The following BCLAF3 variants were observed in gnomAD, a reference collection of about 807,000 sequenced individuals.
BCLAF3 encodes the protein BCLAF1 and THRAP3 family member 3, also known as transient octamer binding factor 1.
Under a neutral mutation model 51.2 loss-of-function variants are expected in BCLAF3, and 24 were observed. That is an observed-to-expected ratio of 0.47 (90% confidence interval 0.34 to 0.66). BCLAF3 has a LOEUF of 0.66. BCLAF3 is among the 30% of genes least tolerant of loss of function. The pLI, the probability that BCLAF3 is intolerant of heterozygous loss-of-function variation, is 0.01. For missense variants in BCLAF3, 465 were observed against 525.1 expected, an observed-to-expected ratio of 0.89 and a Z score of 1.12; for synonymous variants, 152 against 176.6, an observed-to-expected ratio of 0.86 and a Z score of 1.10.
chrX:19,968,981 C>T (rs1268006868), intron 2 of BCLAF3, among the ~76,000 whole-genome samples: 3 of 111,480 alleles, frequency 2.7e-5, no homozygotes, highest in South Asian at 3.8e-4. Flanking sequence ...GGCGTGGTGG[C>T]GGGCACCTGT....
chrX:19,929,792 T>C lies in BCLAF3; in HGVS notation c.2099A>G (p.Lys700Arg), dbSNP rs765439223. The change falls in exon 11 of 12, where the codon AAA becomes AGA. Residue 700 changes from lysine (K) to arginine (R), a missense_variant. Transcript: ENST00000379682. The part of the protein sequence containing the change: ...THKFRERLMR[K>R]KKEYTDVATG... ...CATTTTAATTCAACTAACCTTCTTTTTTCTCATTAATCTTTCTCTGAACTT... is the reference window on the plus strand; with the variant it reads ...CATTTTAATTCAACTAACCTTCTTTCTTCTCATTAATCTTTCTCTGAACTT... The C allele has an allele frequency of 2.5e-6, 3 of 1,196,503 alleles. No homozygotes were observed. The highest frequency in any genetic ancestry group is 3.4e-6 in the Non-Finnish European group (3 of 890,221).
At chrX:19,985,424 A>T (rs2072765945) in intron 1 of BCLAF3, among the ~76,000 whole-genome samples, 1 of 109,449 alleles carries the variant, frequency 9.1e-6, no homozygotes, top group Non-Finnish European at 1.9e-5. Flanking sequence ...ACAAAAAAAT[A>T]ATTAAAAAAA....
At chrX:19,956,784 T>C (rs1459447256) in intron 4 of BCLAF3, among the ~76,000 whole-genome samples, 3 of 111,287 alleles carry the variant, frequency 2.7e-5, no homozygotes, top group African/African-American at 6.5e-5. Flanking sequence ...CATTACAGGC[T>C]CAGAAGATAA....
intron 4 of BCLAF3, among the ~76,000 whole-genome samples, chrX:19,962,471 T>C (rs1229499018): frequency 8.9e-6 from 1 of 112,404 alleles, no homozygotes; most frequent in Non-Finnish European, 1.9e-5. Context: ...GCATGAGCCA[T>C]TGCACCTGGC....
At chrX:19,958,199 C>G (rs896297721) in intron 4 of BCLAF3, among the ~76,000 whole-genome samples, 13 of 112,167 alleles carry the variant, frequency 1.2e-4, no homozygotes, top group Admixed American at 3.8e-4. Context: ...GATATTTCCA[C>G]TGATGTTCTC....
intron 8 of BCLAF3, among the ~76,000 whole-genome samples, chrX:19,938,593 C>T (rs775546846): frequency 8.9e-6 from 1 of 112,362 alleles, no homozygotes; most frequent in African/African-American, 3.2e-5. Context: ...CACGGGGTTT[C>T]ACCATGTTGG....
At chrX:19,955,693 T>C in intron 4 of BCLAF3, 127 bp from the exon 5 acceptor site, 1 of 492,166 alleles carries the variant, frequency 2.0e-6, no homozygotes, top group South Asian at 4.7e-5. Context: ...GGCACTAAAT[T>C]CCATGCCATA....
At chrX:19,958,509 C>T (rs978799218) in intron 4 of BCLAF3, among the ~76,000 whole-genome samples, 2 of 112,279 alleles carry the variant, frequency 1.8e-5, no homozygotes, top group Admixed American at 9.4e-5. Context: ...AGCATAACGG[C>T]GTTTCCATTA....
intron 1 of BCLAF3, among the ~76,000 whole-genome samples, chrX:19,977,904 T>C (rs1201762696): frequency 9.0e-6 from 1 of 111,273 alleles, no homozygotes; most frequent in African/African-American, 3.3e-5. Flanking sequence ...AGAATTATAC[T>C]AAATCTACTC....
At position 19,952,671 on chromosome X, in the gene BCLAF3, C is replaced by T. The variant is rs778909913; in HGVS notation, c.1629+317G>A. 4.5e-5 allele frequency among the ~76,000 whole-genome samples: 5 copies of T among 111,426 alleles called. No homozygotes were observed. In the South Asian group the frequency reaches 1.9e-3, roughly 42 times the overall value. ...TGATTGCTTTGAAAAAAATAGGTAC[C>T]TAACATACTTTCCATAAGCTTTACA... is the stretch of plus-strand genomic sequence containing the variant. On this transcript the variant is annotated intron_variant, in intron 7 of 11. Coordinates refer to ENST00000379682, the MANE Select transcript of BCLAF3 (RefSeq NM_001367774.2).
At chrX:19,976,902 A>G (rs893688078) in intron 1 of BCLAF3, among the ~76,000 whole-genome samples, 8 of 110,398 alleles carry the variant, frequency 7.2e-5, no homozygotes, top group African/African-American at 2.0e-4. Context: ...CATTTTTCCA[A>G]CCTCATGTGT....
chrX:19,955,546 G>C lies in BCLAF3; in HGVS notation c.1295C>G (p.Thr432Arg). The stretch of plus-strand genomic sequence containing the variant: ...CAAATCATGTGACATCTGTCTCTCT[G>C]TGGAATAGCTAGAAGCAACCCTAGA... Reference protein sequence around the residue: ...DTFRVASSYSTERQMSHDLVA... With the variant: ...DTFRVASSYSRERQMSHDLVA... The change falls in exon 5 of 12, where the codon ACA (threonine) becomes AGA (arginine). Residue 432 changes from threonine to arginine, a missense_variant. By Grantham distance (71) the Thr-to-Arg change is moderately conservative (BLOSUM62 -1). Transcript: ENST00000379682. The C allele has an allele frequency of 8.4e-7, 1 of 1,194,151 alleles. No homozygotes were observed. Among genetic ancestry groups the C allele is most frequent in the Non-Finnish European group, 1.1e-6 (1 of 888,986 alleles).
intron 1 of BCLAF3, among the ~76,000 whole-genome samples, chrX:19,981,373 A>T (rs2072606039): frequency 8.9e-6 from 1 of 112,442 alleles, no homozygotes; most frequent in South Asian, 3.6e-4. Flanking sequence ...AAAAAAATCA[A>T]AACAAAACAA....
At position 19,915,305 on chromosome X, in the gene BCLAF3, C is replaced by A. The variant is rs1015935917; in HGVS notation, c.*2000G>T. On this transcript the variant is annotated 3_prime_UTR_variant, in exon 12 of 12. Transcript: ENST00000379682. ...TAATATTTAATGAACTCTTACCACA[C>A]GTCAAATAGGAAGCTGGGTGCTGGG... The A allele has an allele frequency of 3.6e-5, 4 of 111,506 alleles. No individual in the cohort carries two copies. The highest frequency in any genetic ancestry group is 1.3e-4 in the African/African-American group (4 of 30,661). The allele number at this position is 111,506 out of a possible 1,213,427, so 9.2% of individuals were successfully genotyped here.
At chrX:19,978,762 T>TA (rs1041066687) in intron 1 of BCLAF3, among the ~76,000 whole-genome samples, 3 of 110,517 alleles carry the variant, frequency 2.7e-5, no homozygotes, top group African/African-American at 9.9e-5. Context: ...CTTATTTATT[T>TA]TTTTTTTGTC....
intron 7 of BCLAF3, among the ~76,000 whole-genome samples, chrX:19,952,010 G>A (rs989521432): frequency 8.9e-6 from 1 of 111,920 alleles, no homozygotes; most frequent in African/African-American, 3.2e-5. Context: ...TATGGATCAC[G>A]TGAAAAGAAA....
rs1453213670 is a variant in BCLAF3 at position 19,965,360 on chromosome X, T to G, written c.958A>C (p.Arg320=). Residue 320 remains arginine (R), a synonymous_variant, in exon 4 of 12, where the codon AGA becomes CGA. Transcript: ENST00000379682. ...CCAGTATTAAAACAATCTAACTCTC[T>G]ATTTAGAGGGCCTTTTTGAAAACTA... is the stretch of plus-strand genomic sequence containing the variant. ...KYSFQKGPLN[R]ELDCFNTGRG... is the part of the protein sequence containing the mutation. 2 of 1,210,929 alleles carry G rather than the reference T, an allele frequency of 1.7e-6. No homozygotes were observed. Among genetic ancestry groups the G allele is most frequent in the Admixed American group, 4.3e-5 (2 of 46,049 alleles).
intron 1 of BCLAF3, among the ~76,000 whole-genome samples, chrX:19,977,936 A>G (rs2072479099): frequency 9.0e-6 from 1 of 111,387 alleles, no homozygotes; most frequent in South Asian, 3.8e-4. Context: ...CATAAATGGG[A>G]CAACAAAGCC....
At chrX:19,939,998 T>G (rs1349729771) in intron 8 of BCLAF3, among the ~76,000 whole-genome samples, 1 of 112,076 alleles carries the variant, frequency 8.9e-6, no homozygotes, top group Non-Finnish European at 1.9e-5. Flanking sequence ...GTTCTGGAAG[T>G]AGATAGTGGT....
Sources: gnomAD v4.1 joint callset for allele counts (sites outside exome capture counted in the v4.1 genomes callset) on GRCh38, gnomAD v4.1.1 for gene constraint, MANE v1.5 for transcripts, NCBI Gene and HGNC (gene_info 2026-07-23, HGNC 2026-07-21) for gene names.